Variants in ZNF69 observed in about 807,000 individuals in gnomAD.
ZNF69 encodes the protein ZNF3.
ZNF69 carries 47 observed loss-of-function variants against 50.9 expected under a neutral mutation model. The observed-to-expected ratio is 0.92, with a 90% CI of 0.73 to 1.18. The LOEUF (loss-of-function observed/expected upper bound fraction) is 1.18, where lower values mean the gene tolerates loss of function less well. Ranked by LOEUF, ZNF69 falls within the 50% of genes most tolerant of loss-of-function variation. ZNF69 has a pLI of 0.00. For missense variants in ZNF69, 717 were observed against 675.1 expected (o/e 1.06, Z -0.69); for synonymous variants, 216 against 223.1 (o/e 0.97, Z 0.29).
chr19:11,972,665 A>G, the ZNF69 span, among the ~76,000 whole-genome samples: 1 of 152,206 alleles, frequency 6.6e-6, no homozygotes, highest in Non-Finnish European at 1.5e-5. Flanking sequence ...CCTTACATGG[A>G]ATGATAGTTA....
the ZNF69 span, chr19:11,979,254 T>A: frequency 6.2e-7 from 1 of 1,613,392 alleles, no homozygotes. Context: ...ATGAAAGGAC[T>A]CACACTGGAG....
At chr19:11,954,054 C>A in the ZNF69 span, among the ~76,000 whole-genome samples, 6 of 151,874 alleles carry the variant, frequency 4.0e-5, no homozygotes, top group Non-Finnish European at 2.9e-5. Flanking sequence ...GGTGAAAAAA[C>A]AGGAAAAAAA....
At chr19:11,974,110 TTTC>T in the ZNF69 span, among the ~76,000 whole-genome samples, 12,220 of 99,368 alleles carry the variant, frequency 0.12, 587 homozygotes, top group East Asian at 0.18. Context: ...TCTTTCTTTC[TTTC>T]TTTCTTTCTT....
At chr19:11,925,747 C>G in the ZNF69 span, among the ~76,000 whole-genome samples, 1 of 152,154 alleles carries the variant, frequency 6.6e-6, no homozygotes, top group African/African-American at 2.4e-5. Context: ...ACACCCCGTC[C>G]TGGGTTGTGG....
chr19:11,970,673 A>G, the ZNF69 span, among the ~76,000 whole-genome samples: 1 of 152,152 alleles, frequency 6.6e-6, no homozygotes, highest in Non-Finnish European at 1.5e-5. Context: ...GAGCAGGTGC[A>G]GTGGCTCACA....
Position 11,905,307 on chromosome 19 carries a change from T to G in ZNF69, c.910T>G (p.Tyr304Asp), listed in dbSNP as rs1356549653. 6.2e-7 allele frequency: 1 copy of G among 1,614,076 alleles called. No individual in the cohort carries two copies. Among genetic ancestry groups the G allele is most frequent in the Non-Finnish European group, 8.5e-7 (1 of 1,180,018 alleles). The stretch of plus-strand genomic sequence containing the variant: ...AAGGATTCACACGGGAGAGAAGGCT[T>G]ATCAATGTAAGGAATGTGGAAAAGC... ...HERIHTGEKAYQCKECGKAFT... is the reference protein window; with the variant it reads ...HERIHTGEKADQCKECGKAFT... The change falls in exon 4 of 4, where the codon TAT (tyrosine) becomes GAT (aspartate). Residue 304 changes from tyrosine (Y) to aspartate (D), a missense_variant. By Grantham distance (160) the Tyr-to-Asp change is radical. Coordinates refer to ENST00000429654, the MANE Select transcript of ZNF69 (RefSeq NM_001364730.1).
the ZNF69 span, chr19:11,948,813 T>C: frequency 3.1e-6 from 5 of 1,609,028 alleles, no homozygotes; most frequent in Non-Finnish European, 4.2e-6. Flanking sequence ...CTTATTCTGC[T>C]ACCCTTCAAA....
Position 11,904,739 on chromosome 19 carries a change from C to T in ZNF69, c.342C>T (p.Phe114=), listed in dbSNP as rs1397202198. ...AGGTTCCAGATGACAGGCTGAACTT[C>T]CAGGAGAAGAAAGCTTCTCCTGAAA... ...FTQVPDDRLN[F]QEKKASPEIK... The change falls in exon 4 of 4, where the codon TTC becomes TTT. Residue 114 remains phenylalanine (F), a synonymous_variant. Transcript: ENST00000429654. 2 of 1,613,788 alleles carry T rather than the reference C, an allele frequency of 1.2e-6. No homozygotes were observed. The highest frequency in any genetic ancestry group is 1.7e-6 in the Non-Finnish European group (2 of 1,179,872).
At chr19:11,939,417 G>A in the ZNF69 span, among the ~76,000 whole-genome samples, 1 of 152,144 alleles carries the variant, frequency 6.6e-6, no homozygotes, top group Non-Finnish European at 1.5e-5. Context: ...GCGTAAGGAA[G>A]GGATCCAGTT....
In ZNF69 at chr19:11,903,618, G is replaced by A. The variant is rs781422123; in HGVS notation, c.109G>A (p.Glu37Lys). ...TGTTGCTGTGAACTTCACCCAGGAG[G>A]AGTGGGCTTTGCTGGATATTTCCCA... is the stretch of plus-strand genomic sequence containing the variant. ...DDVAVNFTQEEWALLDISQRK... is the reference protein window; with the variant it reads ...DDVAVNFTQEKWALLDISQRK... The change falls in exon 2 of 4, where the codon GAG (glutamate) becomes AAG (lysine). Residue 37 changes from glutamate to lysine, a missense_variant. Coordinates refer to ENST00000429654, the MANE Select transcript of ZNF69 (RefSeq NM_001364730.1). The A allele has an allele frequency of 2.5e-6, 4 of 1,614,174 alleles. No individual in the cohort carries two copies. In the East Asian group the frequency reaches 8.9e-5, roughly 36 times the overall value.
At chr19:11,903,450 G>A in intron 1 of ZNF69, 123 bp from the exon 2 acceptor site, 1 of 1,474,824 alleles carries the variant, frequency 6.8e-7, no homozygotes, top group Non-Finnish European at 9.2e-7. Context: ...AGTATACACA[G>A]GGAGAAAGAG....
the ZNF69 span, among the ~76,000 whole-genome samples, chr19:11,971,140 A>C: frequency 6.6e-6 from 1 of 152,172 alleles, no homozygotes; most frequent in Non-Finnish European, 1.5e-5. Flanking sequence ...TAACTTAAAG[A>C]ATAAACATTT....
chr19:11,980,195 T>C, the ZNF69 span: 1 of 498,434 alleles, frequency 2.0e-6, no homozygotes, highest in South Asian at 2.0e-5. Flanking sequence ...GCCTGATCAA[T>C]ATGATGAAAC....
At chr19:11,950,499 C>G in the ZNF69 span, 4 of 651,972 alleles carry the variant, frequency 6.1e-6, no homozygotes, top group Non-Finnish European at 1.1e-5. Context: ...CGTTTGATAT[C>G]ATGAAAGGAC....
the ZNF69 span, among the ~76,000 whole-genome samples, chr19:11,941,351 C>G: frequency 1.3e-5 from 2 of 152,210 alleles, no homozygotes; most frequent in African/African-American, 4.8e-5. Flanking sequence ...CAGGGGGCGG[C>G]GCTCATCGGG....
rs1599338399 is a variant in ZNF69, at chr19:11,887,953, A to C, written c.30A>C (p.Arg10Ser). The C allele has an allele frequency of 6.2e-7, 1 of 1,612,480 alleles. No individual in the cohort carries two copies. Among genetic ancestry groups the C allele is most frequent in the Non-Finnish European group, 8.5e-7 (1 of 1,178,938 alleles). The stretch of plus-strand genomic sequence containing the variant: ...CCTGCTGTAGTCACAGGAGGTGTAG[A>C]GAGGACCCCGGGACATCTGAAAGCC... The part of the protein sequence containing the change: MPCCSHRRC[R>S]EDPGTSESQE... The change falls in exon 1 of 4, where the codon AGA becomes AGC. Residue 10 changes from arginine (R) to serine (S), a missense_variant. Physicochemically the swap from Arg to Ser is moderately radical, Grantham distance 110. Transcript: ENST00000429654.
downstream of ZNF69, among the ~76,000 whole-genome samples, chr19:11,918,878 T>C (rs1308849224): frequency 6.6e-6 from 1 of 152,102 alleles, no homozygotes; most frequent in African/African-American, 2.4e-5. Flanking sequence ...TTTTCCATTT[T>C]CATTATGATT....
intron 1 of ZNF69, among the ~76,000 whole-genome samples, chr19:11,902,656 G>A (rs1230891127): frequency 6.7e-6 from 1 of 150,224 alleles, no homozygotes; most frequent in Non-Finnish European, 1.5e-5. Context: ...CCTGATTTGG[G>A]TGGTCCCTGG....
chr19:11,936,076 A>G, the ZNF69 span, among the ~76,000 whole-genome samples: 1 of 152,152 alleles, frequency 6.6e-6, no homozygotes, highest in Non-Finnish European at 1.5e-5. Context: ...CATGGTGTAT[A>G]TATGCCACAT....
Sources: gnomAD v4.1 joint callset for allele counts (sites outside exome capture counted in the v4.1 genomes callset) on GRCh38, gnomAD v4.1.1 for gene constraint, MANE v1.5 for transcripts, NCBI Gene and HGNC (gene_info 2026-07-23, HGNC 2026-07-21) for gene names.